PRKCB: variants seen among roughly 807,000 people sequenced by gnomAD.
PRKCB encodes protein kinase C beta type.
Under a neutral mutation model 81.5 loss-of-function variants are expected in PRKCB, and 13 were observed. That is an observed-to-expected ratio of 0.16 (90% CI 0.10 to 0.25). The LOEUF (loss-of-function observed/expected upper bound fraction) is 0.25. PRKCB is among the 10% of genes least tolerant of loss of function. The pLI, the probability that PRKCB is intolerant of heterozygous loss-of-function variation, is 1.00. For synonymous variants in PRKCB, 335 were observed against 321.4 expected (o/e 1.04, Z -0.45); for missense variants, 509 against 875.7 (o/e 0.58, Z 5.29).
intron 2 of PRKCB, among the ~76,000 whole-genome samples, chr16:23,930,493 C>T (rs1176473216): frequency 6.6e-6 from 1 of 152,020 alleles, no homozygotes; most frequent in Non-Finnish European, 1.5e-5. Context: ...TACTTGGACC[C>T]AGGAGGTCGA....
At chr16:24,029,014 C>A (rs1028893074) in intron 3 of PRKCB, among the ~76,000 whole-genome samples, 2 of 150,892 alleles carry the variant, frequency 1.3e-5, no homozygotes, top group Non-Finnish European at 3.0e-5. Context: ...TGGTCTCGAA[C>A]TCCTGACCTC....
chr16:24,206,218 T>C (rs1034226875), intron 16 of PRKCB, among the ~76,000 whole-genome samples: 4 of 152,186 alleles, frequency 2.6e-5, no homozygotes, highest in African/African-American at 9.7e-5. Flanking sequence ...CTTTTTAAAA[T>C]GATCAAATAT....
chr16:23,938,498 AT>A (rs1487628574), intron 2 of PRKCB, among the ~76,000 whole-genome samples: 9 of 152,366 alleles, frequency 5.9e-5, no homozygotes, highest in Non-Finnish European at 1.0e-4. Flanking sequence ...TAAGTCTCCA[AT>A]TAAGTGTCAG....
intron 8 of PRKCB, 30 bp from the exon 9 acceptor site, chr16:24,123,805 G>T (rs747742173): frequency 1.2e-6 from 2 of 1,611,724 alleles, no homozygotes; most frequent in Admixed American, 1.7e-5. Context: ...CAAACCCTGA[G>T]CATGTTTTCT....
intron 16 of PRKCB, among the ~76,000 whole-genome samples, chr16:24,202,458 A>G (rs950830210): frequency 1.3e-5 from 2 of 152,160 alleles, no homozygotes; most frequent in Admixed American, 1.3e-4. Flanking sequence ...TGACCTCACC[A>G]TATTATTAGG....
intron 2 of PRKCB, among the ~76,000 whole-genome samples, chr16:23,851,171 T>C (rs1397620633): frequency 2.0e-5 from 3 of 152,190 alleles, no homozygotes. Context: ...CAAACCAATG[T>C]TGTGGAGTTT....
intron 7 of PRKCB, among the ~76,000 whole-genome samples, chr16:24,112,123 C>G (rs1038023232): frequency 6.6e-6 from 1 of 152,156 alleles, no homozygotes; most frequent in Non-Finnish European, 1.5e-5. Flanking sequence ...AAAACTTTTG[C>G]AGAGAAAATA....
chr16:23,844,294 A>G (rs1426374932), intron 2 of PRKCB, among the ~76,000 whole-genome samples: 1 of 152,204 alleles, frequency 6.6e-6, no homozygotes, highest in African/African-American at 2.4e-5. Context: ...TAGCCTTTTT[A>G]CAGAGAATAC....
At chr16:24,100,042 A>G (rs1051544431) in intron 7 of PRKCB, 3 of 151,904 alleles carry the variant, frequency 2.0e-5, no homozygotes, top group Admixed American at 6.6e-5. Flanking sequence ...TTATGGTGCA[A>G]CTTCACCTTT....
chr16:23,877,641 A>C (rs1963037024), intron 2 of PRKCB, among the ~76,000 whole-genome samples: 1 of 152,136 alleles, frequency 6.6e-6, no homozygotes. Context: ...TCAACTCAGG[A>C]AAGTTAGTTG....
rs746031424 is a variant in PRKCB at position 23,837,414 on chromosome 16, C to CTGGGGCTT, written c.205+14_205+21dup. 6.2e-7 allele frequency: 1 copy of CTGGGGCTT among 1,609,790 alleles called. No individual in the cohort carries two copies. On this transcript the variant is annotated intron_variant, in intron 2 of 16. Transcript: ENST00000643927. ...AGGGATTCCAGTGCCAAGGTAGGCT[C>CTGGGGCTT]TGGGGCTTTGGGGATGCTATTTGTG... is the stretch of plus-strand genomic sequence containing the variant.
chr16:23,921,799 T>A (rs1292885904), intron 2 of PRKCB, among the ~76,000 whole-genome samples: 7 of 151,714 alleles, frequency 4.6e-5, no homozygotes, highest in Middle Eastern at 3.4e-3. Context: ...AAAGAAAAAA[T>A]AAATAAAAAA....
chr16:24,182,633 A>G (rs1967643306), intron 13 of PRKCB, among the ~76,000 whole-genome samples: 1 of 152,186 alleles, frequency 6.6e-6, no homozygotes, highest in Non-Finnish European at 1.5e-5. Context: ...AGGAAACTAG[A>G]GCCTGGGATG....
At chr16:23,864,161 T>C (rs1200969442) in intron 2 of PRKCB, among the ~76,000 whole-genome samples, 1 of 152,172 alleles carries the variant, frequency 6.6e-6, no homozygotes, top group Non-Finnish European at 1.5e-5. Flanking sequence ...GGAACAGAAA[T>C]GGTCCCTTCC....
intron 16 of PRKCB, 71 bp downstream of exon 16, chr16:24,191,301 C>T: frequency 1.9e-6 from 3 of 1,563,632 alleles, no homozygotes; most frequent in Non-Finnish European, 2.6e-6. Context: ...CTCATGTTTT[C>T]CAAATGCTCC....
Position 24,219,890 on chromosome 16 carries a change from A to T in PRKCB, c.*5074A>T. On this transcript the variant is annotated 3_prime_UTR_variant, in exon 17 of 17. Coordinates refer to ENST00000643927, the MANE Select transcript of PRKCB (RefSeq NM_002738.7). Reference sequence around the variant, plus strand: ...CTCATGAGATGGTATCAGCCACCCAATGACTGGCGTATCTTGGTCCTGTGT... The same window carrying T: ...CTCATGAGATGGTATCAGCCACCCATTGACTGGCGTATCTTGGTCCTGTGT... 4 of 1,550,638 alleles carry T rather than the reference A, an allele frequency of 2.6e-6. No individual in the cohort carries two copies. In the Admixed American group the frequency reaches 5.8e-5, roughly 22 times the overall value.
chr16:24,077,931 T>C (rs1385837059), intron 5 of PRKCB, among the ~76,000 whole-genome samples: 3 of 152,322 alleles, frequency 2.0e-5, no homozygotes, highest in African/African-American at 7.2e-5. Context: ...TGAGAAAATA[T>C]GCACTGTTTC....
intron 2 of PRKCB, among the ~76,000 whole-genome samples, chr16:23,879,163 A>G (rs1240042057): frequency 1.3e-5 from 2 of 151,156 alleles, no homozygotes; most frequent in East Asian, 1.9e-4. Flanking sequence ...GGGCGACAGA[A>G]TGAGACTCCA....
At chr16:23,879,464 GT>G (rs1963069977) in intron 2 of PRKCB, among the ~76,000 whole-genome samples, 1 of 141,472 alleles carries the variant, frequency 7.1e-6, no homozygotes, top group African/African-American at 2.6e-5. Context: ...AACCTTTGTT[GT>G]TGGTCCTTTA....
Sources: allele counts gnomAD v4.1 joint callset (sites outside exome capture counted in the v4.1 genomes callset), GRCh38; gene constraint gnomAD v4.1.1; transcripts MANE v1.5; gene names NCBI Gene and HGNC (gene_info 2026-07-23, HGNC 2026-07-21).